BABAM2: variants seen among roughly 807,000 people sequenced by gnomAD.
BABAM2 encodes BRISC and BRCA1-A complex member 2.
In BABAM2, 31 loss-of-function variants were observed where a neutral mutation model predicts 54.7. That is an observed-to-expected ratio of 0.57 (90% CI 0.43 to 0.77). The LOEUF is 0.77. Ranked by LOEUF, BABAM2 falls within the 30% of genes least tolerant of loss-of-function variation. The pLI, the probability that BABAM2 is intolerant of heterozygous loss-of-function variation, is 0.00. For synonymous variants in BABAM2, 167 were observed against 162.9 expected (o/e 1.03, Z -0.19); for missense variants, 364 against 455.8 (o/e 0.80, Z 1.83).
chr2:28,251,114 T>C (rs1683440607), intron 10 of BABAM2, among the ~76,000 whole-genome samples: 1 of 152,238 alleles, frequency 6.6e-6, no homozygotes, highest in African/African-American at 2.4e-5. Flanking sequence ...TTCACACAGA[T>C]GTCTTAGTAT....
intron 6 of BABAM2, among the ~76,000 whole-genome samples, chr2:28,099,708 C>G (rs1374701904): frequency 6.6e-6 from 1 of 152,082 alleles, no homozygotes; most frequent in Non-Finnish European, 1.5e-5. Context: ...GCATAACATT[C>G]TTACCTATTT....
At chr2:28,082,924 C>A (rs774307705) in intron 6 of BABAM2, among the ~76,000 whole-genome samples, 9 of 152,114 alleles carry the variant, frequency 5.9e-5, no homozygotes, top group Non-Finnish European at 1.2e-4. Context: ...CCACTCTTTT[C>A]AGTAATCATT....
chr2:28,308,400 C>T, intron 11 of BABAM2: 1 of 513,726 alleles, frequency 1.9e-6, no homozygotes, highest in South Asian at 1.4e-5. Context: ...CAGGTTCCCC[C>T]AACCACTGAG....
At chr2:28,276,550 C>T (rs1158300261) in intron 10 of BABAM2, among the ~76,000 whole-genome samples, 1 of 152,146 alleles carries the variant, frequency 6.6e-6, no homozygotes, top group Non-Finnish European at 1.5e-5. Flanking sequence ...GTAACGTGCC[C>T]ATTGAGCCTG....
At chr2:28,228,516 G>A (rs1409532267) in intron 7 of BABAM2, among the ~76,000 whole-genome samples, 2 of 152,094 alleles carry the variant, frequency 1.3e-5, no homozygotes, top group African/African-American at 2.4e-5. Context: ...GAGCAGTAAA[G>A]CCATTCATTG....
chr2:27,974,527 C>G (rs1295667814), intron 3 of BABAM2, among the ~76,000 whole-genome samples: 1 of 151,952 alleles, frequency 6.6e-6, no homozygotes, highest in Non-Finnish European at 1.5e-5. Flanking sequence ...TCAATGGATG[C>G]AGAAAAAACT....
intron 6 of BABAM2, among the ~76,000 whole-genome samples, chr2:28,066,775 C>T (rs77675239): frequency 1.4e-4 from 21 of 152,292 alleles, no homozygotes; most frequent in African/African-American, 3.4e-4. Context: ...AGAGTGAGGA[C>T]GCCACAGGGC....
intron 7 of BABAM2, among the ~76,000 whole-genome samples, chr2:28,232,579 G>T (rs1681511636): frequency 6.6e-6 from 1 of 152,154 alleles, no homozygotes; most frequent in Non-Finnish European, 1.5e-5. Flanking sequence ...AGGCTATCTG[G>T]TGAGCTTATT....
At chr2:28,017,315 C>G (rs959964410) in intron 4 of BABAM2, among the ~76,000 whole-genome samples, 1 of 151,766 alleles carries the variant, frequency 6.6e-6, no homozygotes, top group African/African-American at 2.4e-5. Flanking sequence ...TTTAAAAAAT[C>G]ATGCTTGTTC....
intron 3 of BABAM2, among the ~76,000 whole-genome samples, chr2:27,943,846 A>G (rs1177209421): frequency 1.3e-5 from 2 of 152,212 alleles, no homozygotes; most frequent in Non-Finnish European, 2.9e-5. Context: ...TGAATGTTCT[A>G]CAAAATGCTC....
rs1307465641 is a variant in BABAM2, at chr2:28,322,851, C to T, written c.1089-15599C>T. 6.6e-6 allele frequency among the ~76,000 whole-genome samples: 1 copy of T among 152,224 alleles called. No homozygotes were observed. The highest frequency in any genetic ancestry group is 1.5e-5 in the Non-Finnish European group (1 of 68,040). ...TTATTGTTTGTGATACAATTAAAATCCCCCAATGAAAGGCCTTGTATAAAT... is the reference window on the plus strand; with the variant it reads ...TTATTGTTTGTGATACAATTAAAATTCCCCAATGAAAGGCCTTGTATAAAT... On this transcript the variant is annotated intron_variant, in intron 11 of 11. Transcript: ENST00000379624. This position sits in a 1 kb window ranked among gnomAD's most constrained non-coding sequence, Gnocchi z 4.1.
chr2:28,218,578 T>A (rs925140196), intron 7 of BABAM2, among the ~76,000 whole-genome samples: 2 of 152,188 alleles, frequency 1.3e-5, no homozygotes, highest in South Asian at 4.1e-4. Context: ...GTATAACATA[T>A]CAAAAGTCAC....
chr2:28,272,870 G>C (rs1175680833), intron 10 of BABAM2, among the ~76,000 whole-genome samples: 1 of 152,164 alleles, frequency 6.6e-6, no homozygotes, highest in South Asian at 2.1e-4. Context: ...CATTGAACTG[G>C]GGACTGACGT....
intron 10 of BABAM2, among the ~76,000 whole-genome samples, chr2:28,250,393 T>C (rs1683340244): frequency 6.7e-6 from 1 of 149,392 alleles, no homozygotes; most frequent in African/African-American, 2.4e-5. Context: ...GATTACAATA[T>C]GCATCTTTAA....
At chr2:28,293,276 A>G (rs1196396695) in intron 10 of BABAM2, among the ~76,000 whole-genome samples, 1 of 151,998 alleles carries the variant, frequency 6.6e-6, no homozygotes, top group South Asian at 2.1e-4. Context: ...TCATTTTTCC[A>G]TTGTTGAGGT....
intron 6 of BABAM2, among the ~76,000 whole-genome samples, chr2:28,087,703 C>T (rs1244945683): frequency 6.6e-6 from 1 of 151,546 alleles, no homozygotes; most frequent in Non-Finnish European, 1.5e-5. Flanking sequence ...GGTTGGAGTG[C>T]AGTGGCATGA....
intron 6 of BABAM2, among the ~76,000 whole-genome samples, chr2:28,085,659 A>C (rs1665570325): frequency 6.6e-6 from 1 of 152,166 alleles, no homozygotes; most frequent in South Asian, 2.1e-4. Flanking sequence ...TACATGATTC[A>C]GTTTATTTCT....
At chr2:28,308,432 GACA>G (rs1688755174) in intron 11 of BABAM2, 1 of 525,630 alleles carries the variant, frequency 1.9e-6, no homozygotes, top group South Asian at 1.4e-5. Flanking sequence ...GAAGATAGAA[GACA>G]ACAACACAAC....
chr2:28,237,484 C>G (rs542427301), intron 8 of BABAM2, among the ~76,000 whole-genome samples, 183 bp downstream of exon 8: 2 of 152,256 alleles, frequency 1.3e-5, no homozygotes, highest in South Asian at 2.1e-4. Flanking sequence ...TTTCTTTGCC[C>G]TCCTTCTTCC....
Sources: allele counts gnomAD v4.1 joint callset (sites outside exome capture counted in the v4.1 genomes callset), GRCh38; gene constraint gnomAD v4.1.1; non-coding constraint Gnocchi (gnomAD v3.1); transcripts MANE v1.5; gene names NCBI Gene and HGNC (gene_info 2026-07-23, HGNC 2026-07-21).